Variants in LTBP1 observed in about 807,000 individuals in gnomAD.
LTBP1 encodes the protein latent-transforming growth factor beta-binding protein 1.
Under a neutral mutation model 207.6 loss-of-function variants are expected in LTBP1, and 129 were observed. The observed-to-expected ratio is 0.62, with a 90% CI of 0.54 to 0.72. The LOEUF (loss-of-function observed/expected upper bound fraction) is 0.72, where lower values mean the gene tolerates loss of function less well. LTBP1 is among the 30% of genes least tolerant of loss of function. The probability of loss-of-function intolerance (pLI) is 0.00; values close to 1 mark genes in which losing one functional copy is unlikely to be tolerated. For missense variants in LTBP1, 2,281 were observed against 2,217.2 expected (o/e 1.03, Z -0.58); for synonymous variants, 963 against 833.7 (o/e 1.16, Z -2.67).
chr2:33,350,945 C>G (rs1388104853), intron 26 of LTBP1, among the ~76,000 whole-genome samples: 1 of 151,962 alleles, frequency 6.6e-6, no homozygotes, highest in East Asian at 1.9e-4. Flanking sequence ...GCATCTTATT[C>G]TTAAAACAGA....
At chr2:33,055,315 C>T (rs1189349196) in intron 3 of LTBP1, among the ~76,000 whole-genome samples, 1 of 152,198 alleles carries the variant, frequency 6.6e-6, no homozygotes, top group African/African-American at 2.4e-5. Context: ...CTTAAGGCCT[C>T]CCATAGCCAC....
intron 19 of LTBP1, among the ~76,000 whole-genome samples, chr2:33,285,353 ATATAAC>A (rs2093644221): frequency 6.6e-6 from 1 of 151,024 alleles, no homozygotes; most frequent in Non-Finnish European, 1.5e-5. Flanking sequence ...ACATTCTTCT[ATATAAC>A]TATATTCTCT....
At chr2:33,274,918 T>C (rs960991901) in intron 16 of LTBP1, 47 bp from the exon 17 acceptor site, 2 of 1,595,190 alleles carry the variant, frequency 1.3e-6, no homozygotes, top group African/African-American at 2.7e-5. Context: ...GGAAACTAAG[T>C]TCTTGCTACA....
rs141181730 is a variant in LTBP1 at position 33,089,938 on chromosome 2, A to C, written c.864-20644A>C. 6.2e-3 allele frequency among the ~76,000 whole-genome samples: 941 copies of C among 152,352 alleles called. 8 individuals are homozygous for C. The highest frequency in any genetic ancestry group is 0.021 in the African/African-American group (877 of 41,578). ...GTTACAACAGCCACACAAGAATGGA[A>C]CAACTTGTCTATAGTTTGATCAAAA... On this transcript the variant is annotated intron_variant, in intron 3 of 33. Transcript: ENST00000404816.
intron 31 of LTBP1, among the ~76,000 whole-genome samples, chr2:33,383,309 C>T (rs537406520): frequency 5.0e-4 from 76 of 152,330 alleles, no homozygotes; most frequent in African/African-American, 1.8e-3. Context: ...ACCGAGATTG[C>T]GCCACTGCAC....
chr2:33,078,196 A>G (rs561535078), intron 3 of LTBP1, among the ~76,000 whole-genome samples: 36 of 152,238 alleles, frequency 2.4e-4, no homozygotes, highest in Non-Finnish European at 4.6e-4. Context: ...CTTGGTGTTA[A>G]TCACAGAGCC....
chr2:33,351,880 ACATG>A (rs2094786694), intron 26 of LTBP1, among the ~76,000 whole-genome samples: 2 of 152,166 alleles, frequency 1.3e-5, no homozygotes. Flanking sequence ...CCAGGCAGTT[ACATG>A]CTTAGCTGTC....
chr2:33,060,241 G>A (rs1209880644), intron 3 of LTBP1, among the ~76,000 whole-genome samples: 1 of 152,128 alleles, frequency 6.6e-6, no homozygotes, highest in Non-Finnish European at 1.5e-5. Flanking sequence ...TGTTAGAAGT[G>A]GGTTGAGAGG....
intron 3 of LTBP1, among the ~76,000 whole-genome samples, chr2:33,087,166 C>T (rs2078814937): frequency 7.0e-6 from 1 of 143,380 alleles, no homozygotes; most frequent in Non-Finnish European, 1.5e-5. Context: ...ATCATGGCTC[C>T]TGGGCTCCAG....
At chr2:33,318,131 T>C (rs992225140) in intron 24 of LTBP1, among the ~76,000 whole-genome samples, 1 of 152,026 alleles carries the variant, frequency 6.6e-6, no homozygotes, top group Non-Finnish European at 1.5e-5. Context: ...CATTCCAAAA[T>C]TACCACCACC....
intron 24 of LTBP1, among the ~76,000 whole-genome samples, chr2:33,332,364 A>G (rs1427754892): frequency 8.6e-6 from 1 of 116,698 alleles, no homozygotes; most frequent in African/African-American, 3.6e-5. Flanking sequence ...GTAGTGAGAC[A>G]CCATCTCCAA....
intron 9 of LTBP1, among the ~76,000 whole-genome samples, chr2:33,231,415 A>G (rs2091780782): frequency 1.3e-5 from 2 of 152,236 alleles, no homozygotes; most frequent in Admixed American, 1.3e-4. Context: ...GGACAAAAGA[A>G]GAGATAATGT....
intron 6 of LTBP1, 140 bp from the exon 7 acceptor site, chr2:33,188,437 A>C: frequency 1.7e-6 from 1 of 597,852 alleles, no homozygotes; most frequent in Non-Finnish European, 2.8e-6. Flanking sequence ...CAAAAAAAAA[A>C]AAAAAAAGAA....
intron 2 of LTBP1, among the ~76,000 whole-genome samples, chr2:32,959,743 C>G (rs141121952): frequency 0.062 from 9,378 of 150,170 alleles, 527 homozygotes; most frequent in East Asian, 0.22. Flanking sequence ...GCCTCAGCCA[C>G]CCGAGTAGCT....
intron 2 of LTBP1, among the ~76,000 whole-genome samples, chr2:32,984,440 C>T (rs1683229287): frequency 6.6e-6 from 1 of 152,178 alleles, no homozygotes; most frequent in Non-Finnish European, 1.5e-5. Flanking sequence ...AATAGGAGAG[C>T]AATCTCTCTG....
intron 18 of LTBP1, among the ~76,000 whole-genome samples, chr2:33,277,759 CCCTT>C (rs1558933198): frequency 2.2e-4 from 16 of 72,438 alleles, no homozygotes; most frequent in Non-Finnish European, 3.9e-4. Flanking sequence ...ATTTTTTTTT[CCCTT>C]TCTTTCTTTC....
chr2:33,056,450 G>A, intron 3 of LTBP1: 2 of 953,380 alleles, frequency 2.1e-6, no homozygotes, highest in Non-Finnish European at 1.5e-6. Context: ...TTAGTTCCCT[G>A]TTGTTGCAAA....
At chr2:33,304,981 C>T (rs528301490) in intron 22 of LTBP1, among the ~76,000 whole-genome samples, 9 of 152,268 alleles carry the variant, frequency 5.9e-5, no homozygotes, top group South Asian at 2.1e-4. Flanking sequence ...AATTTCTTCC[C>T]TTTTGTAGCT....
chr2:33,300,864 CAT>C (rs1255564883), intron 21 of LTBP1, among the ~76,000 whole-genome samples: 1 of 152,068 alleles, frequency 6.6e-6, no homozygotes, highest in African/African-American at 2.4e-5. Flanking sequence ...TCCATTTAAA[CAT>C]GTAAATTAAT....
Sources: allele counts gnomAD v4.1 joint callset (sites outside exome capture counted in the v4.1 genomes callset), GRCh38; gene constraint gnomAD v4.1.1; transcripts MANE v1.5; gene names NCBI Gene and HGNC (gene_info 2026-07-23, HGNC 2026-07-21).